CACNG2: variants seen among roughly 807,000 people sequenced by gnomAD.
CACNG2 encodes the protein voltage-dependent calcium channel gamma-2 subunit.
Under a neutral mutation model 25.9 loss-of-function variants are expected in CACNG2, and 3 were observed. The observed-to-expected ratio is 0.12, with a 90% confidence interval of 0.05 to 0.30. The LOEUF (loss-of-function observed/expected upper bound fraction) is 0.30, where lower values mean the gene tolerates loss of function less well. CACNG2 is among the 10% of genes least tolerant of loss of function. CACNG2 has a pLI of 1.00. For missense variants in CACNG2, 341 were observed against 432.5 expected (o/e 0.79, Z 1.88); for synonymous variants, 167 against 173.3 (o/e 0.96, Z 0.29).
intron 1 of CACNG2, among the ~76,000 whole-genome samples, chr22:36,642,425 T>C (rs1936453582): frequency 1.3e-5 from 2 of 152,178 alleles, no homozygotes; most frequent in African/African-American, 4.8e-5. Context: ...TTTGGCTGTG[T>C]CAAAGGGAAG....
At chr22:36,614,338 C>T (rs1395062890) in intron 1 of CACNG2, among the ~76,000 whole-genome samples, 3 of 152,174 alleles carry the variant, frequency 2.0e-5, no homozygotes, top group Non-Finnish European at 4.4e-5. Flanking sequence ...CCTTAGTGCT[C>T]AGTTTACACA....
chr22:36,598,801 A>C (rs1935713058), intron 1 of CACNG2, among the ~76,000 whole-genome samples: 1 of 151,932 alleles, frequency 6.6e-6, no homozygotes, highest in African/African-American at 2.4e-5. Flanking sequence ...CAACATGGTG[A>C]AACCCTGTCT....
At chr22:36,640,061 A>C (rs1213124781) in intron 1 of CACNG2, among the ~76,000 whole-genome samples, 1 of 152,206 alleles carries the variant, frequency 6.6e-6, no homozygotes, top group Non-Finnish European at 1.5e-5. Flanking sequence ...CAGCTCTTCA[A>C]GGAAGAAATG....
intron 1 of CACNG2, among the ~76,000 whole-genome samples, chr22:36,639,046 G>A (rs1936402627): frequency 6.6e-6 from 1 of 152,166 alleles, no homozygotes; most frequent in Non-Finnish European, 1.5e-5. Context: ...CCGGCGGAGG[G>A]GTAGATATGT....
intron 1 of CACNG2, among the ~76,000 whole-genome samples, chr22:36,640,184 T>C (rs546837389): frequency 6.6e-6 from 1 of 152,204 alleles, no homozygotes; most frequent in African/African-American, 2.4e-5. Context: ...ATGTGTAGAA[T>C]GGGAATGAAG....
At chr22:36,630,492 G>T (rs1936251269) in intron 1 of CACNG2, among the ~76,000 whole-genome samples, 1 of 152,090 alleles carries the variant, frequency 6.6e-6, no homozygotes, top group Non-Finnish European at 1.5e-5. Context: ...GCAAGCATTT[G>T]GGAATCTAAT....
chr22:36,673,984 G>T (rs955352575), intron 1 of CACNG2, among the ~76,000 whole-genome samples: 34 of 152,196 alleles, frequency 2.2e-4, no homozygotes, highest in African/African-American at 8.0e-4. Context: ...ACTCTCTCTC[G>T]ATAGCACGCA....
chr22:36,571,614 C>A (rs1266428038), intron 2 of CACNG2, among the ~76,000 whole-genome samples: 1 of 150,968 alleles, frequency 6.6e-6, no homozygotes, highest in Non-Finnish European at 1.5e-5. Flanking sequence ...CGGTGGCTCA[C>A]ACCTGTAATC....
At chr22:36,640,760 A>C (rs1936432815) in intron 1 of CACNG2, among the ~76,000 whole-genome samples, 1 of 152,202 alleles carries the variant, frequency 6.6e-6, no homozygotes, top group African/African-American at 2.4e-5. Flanking sequence ...AGCTTCTGAA[A>C]ACCCAAGTCA....
chr22:36,568,012 G>C (rs1199741697), intron 2 of CACNG2, among the ~76,000 whole-genome samples: 1 of 152,044 alleles, frequency 6.6e-6, no homozygotes, highest in African/African-American at 2.4e-5. Flanking sequence ...ACCATGCTTG[G>C]CTAATTTTTG....
intron 1 of CACNG2, among the ~76,000 whole-genome samples, chr22:36,692,972 C>A (rs934868674): frequency 6.6e-6 from 1 of 152,170 alleles, no homozygotes. Context: ...ATGGCAAAAC[C>A]CCGTCTCTAC....
intron 1 of CACNG2, among the ~76,000 whole-genome samples, chr22:36,672,766 C>T (rs1936969851): frequency 1.3e-5 from 2 of 152,232 alleles, no homozygotes; most frequent in Non-Finnish European, 2.9e-5. Context: ...CCCAGGCCCA[C>T]TGAATCCCAT....
chr22:36,688,035 G>A (rs1937223525), intron 1 of CACNG2, among the ~76,000 whole-genome samples: 1 of 152,104 alleles, frequency 6.6e-6, no homozygotes, highest in African/African-American at 2.4e-5. Flanking sequence ...TATTACAGCA[G>A]CAATAGGAAA....
intron 1 of CACNG2, among the ~76,000 whole-genome samples, chr22:36,594,414 C>A (rs185028349): frequency 2.6e-5 from 4 of 152,318 alleles, no homozygotes; most frequent in African/African-American, 9.6e-5. Context: ...CTCCATGCAA[C>A]CTGCTGAGAA....
chr22:36,661,704 G>C (rs1336693214), intron 1 of CACNG2, among the ~76,000 whole-genome samples: 2 of 152,136 alleles, frequency 1.3e-5, no homozygotes, highest in Non-Finnish European at 2.9e-5. Flanking sequence ...CCTAGCTGTG[G>C]GGGGACCTTG....
At chr22:36,587,443 A>G in intron 2 of CACNG2, 22 bp downstream of exon 2, 1 of 1,574,066 alleles carries the variant, frequency 6.4e-7, no homozygotes, top group East Asian at 2.2e-5. Flanking sequence ...GGAGGGAGAT[A>G]AAAACAATCG....
At chr22:36,645,212 G>A (rs1317282257) in intron 1 of CACNG2, among the ~76,000 whole-genome samples, 6 of 152,142 alleles carry the variant, frequency 3.9e-5, no homozygotes, top group Non-Finnish European at 8.8e-5. Context: ...ATGTTAGGGG[G>A]TCTAATTAAT....
chr22:36,686,587 C>T (rs907477181), intron 1 of CACNG2, among the ~76,000 whole-genome samples: 2 of 152,174 alleles, frequency 1.3e-5, no homozygotes, highest in African/African-American at 4.8e-5. Flanking sequence ...GGCTGTGACC[C>T]GGAGGGAATA....
chr22:36,647,432 C>T (rs926989153), intron 1 of CACNG2, among the ~76,000 whole-genome samples: 5 of 152,048 alleles, frequency 3.3e-5, no homozygotes, highest in Non-Finnish European at 7.4e-5. Context: ...CCCGTCTCTA[C>T]TAAAAATACG....
Sources: gnomAD v4.1 joint callset for allele counts (sites outside exome capture counted in the v4.1 genomes callset) on GRCh38, gnomAD v4.1.1 for gene constraint, MANE v1.5 for transcripts, NCBI Gene and HGNC (gene_info 2026-07-23, HGNC 2026-07-21) for gene names.